The following HERC5 variants were observed in gnomAD, a reference collection of about 807,000 sequenced individuals.
The protein encoded by HERC5 is HECT and RLD domain containing E3 ubiquitin protein ligase 5.
In HERC5, 99 loss-of-function variants were observed where a neutral mutation model predicts 119.6. The ratio of observed to expected loss-of-function variants is 0.83; its 90% CI spans 0.70 to 0.98. HERC5 has a LOEUF of 0.98. Ranked by LOEUF, HERC5 falls within the 50% of genes least tolerant of loss-of-function variation. The pLI is 0.00. For missense variants in HERC5, 1,267 were observed against 1,241.3 expected (o/e 1.02, Z -0.31); for synonymous variants, 478 against 445.9 (o/e 1.07, Z -0.91).
chr4:88,460,178 T>C lies in HERC5; in HGVS notation c.466+7T>C. Reference sequence around the variant, plus strand: ...TCTCTTGCACTCTCAAAAGGTAATTTTTCTGTAATATTAATAGTTTTGTAG... The same window carrying C: ...TCTCTTGCACTCTCAAAAGGTAATTCTTCTGTAATATTAATAGTTTTGTAG... On this transcript the variant is annotated splice_region_variant and intron_variant, in intron 3 of 22. Coordinates refer to ENST00000264350, the MANE Select transcript of HERC5 (RefSeq NM_016323.4). 9 of 1,442,746 alleles carry C rather than the reference T, an allele frequency of 6.2e-6. No individual in the cohort carries two copies. Among genetic ancestry groups the C allele is most frequent in the Non-Finnish European group, 8.7e-6 (9 of 1,029,620 alleles). The allele number at this position is 1,442,746 out of a possible 1,614,324, so 89.4% of individuals were successfully genotyped here.
intron 12 of HERC5, among the ~76,000 whole-genome samples, chr4:88,477,008 A>G (rs542351127): frequency 1.0e-3 from 152 of 150,326 alleles, no homozygotes; most frequent in African/African-American, 3.4e-3. Flanking sequence ...ATTATCCAAT[A>G]TCTAGGTCAT....
chr4:88,497,259 T>C (rs895195842), intron 18 of HERC5, among the ~76,000 whole-genome samples: 3 of 152,190 alleles, frequency 2.0e-5, no homozygotes, highest in African/African-American at 7.2e-5. Flanking sequence ...AAATCATGTA[T>C]TGCCCTATAG....
rs758557919 is a variant in HERC5 at position 88,504,244 on chromosome 4, TTCTAAG to T, written c.2597_2602del (p.Ser866_Lys867del). ...TGTTTTATTAAAGGAGAGACTATGT[TTCTAAG>T]TATATCAATTACATTTTCAACGACT... On this transcript the variant is annotated inframe_deletion, in exon 21 of 23. Coordinates refer to ENST00000264350, the MANE Select transcript of HERC5 (RefSeq NM_016323.4). The T allele has an allele frequency of 6.3e-7, 1 of 1,597,076 alleles. No homozygotes were observed. The highest frequency in any genetic ancestry group is 8.6e-7 in the Non-Finnish European group (1 of 1,167,120).
chr4:88,475,471 G>A (rs1167813295), intron 11 of HERC5, among the ~76,000 whole-genome samples: 2 of 151,404 alleles, frequency 1.3e-5, no homozygotes, highest in South Asian at 2.1e-4. Context: ...GGCACGCACC[G>A]TCACGCCCAG....
At chr4:88,487,503 T>C (rs1741507310) in intron 15 of HERC5, among the ~76,000 whole-genome samples, 1 of 152,188 alleles carries the variant, frequency 6.6e-6, no homozygotes, top group African/African-American at 2.4e-5. Flanking sequence ...TGGGCTTGAT[T>C]AGGTGTAACA....
chr4:88,460,934 G>A (rs1740417742), intron 3 of HERC5, among the ~76,000 whole-genome samples: 1 of 152,136 alleles, frequency 6.6e-6, no homozygotes, highest in Admixed American at 6.6e-5. Context: ...AGGCTGCAGT[G>A]AGCCATGATC....
chr4:88,462,725 G>T (rs1237278344), intron 4 of HERC5, among the ~76,000 whole-genome samples: 1 of 152,148 alleles, frequency 6.6e-6, no homozygotes, highest in Non-Finnish European at 1.5e-5. Context: ...GACCTTTAAA[G>T]CCTTTGCACT....
chr4:88,482,136 C>G (rs989418864), intron 13 of HERC5, among the ~76,000 whole-genome samples: 1 of 151,734 alleles, frequency 6.6e-6, no homozygotes, highest in Non-Finnish European at 1.5e-5. Flanking sequence ...ATAGTGAAAC[C>G]TCGTCTCTAC....
Position 88,463,836 on chromosome 4 carries a change from T to C in HERC5, c.781-19T>C, listed in dbSNP as rs1668019899. ...TATTTTATTTTTCTAGCATCTGATA[T>C]GACATTCCCTTTCCTTAGGATGGGC... On this transcript the variant is annotated intron_variant, in intron 5 of 22. Transcript: ENST00000264350. 1 of 1,611,962 alleles carries C rather than the reference T, an allele frequency of 6.2e-7. No individual in the cohort carries two copies. Among genetic ancestry groups the C allele is most frequent in the Admixed American group, 1.7e-5 (1 of 59,460 alleles).
intron 18 of HERC5, among the ~76,000 whole-genome samples, chr4:88,498,207 A>T (rs565639553): frequency 6.6e-6 from 1 of 152,178 alleles, no homozygotes; most frequent in Admixed American, 6.5e-5. Flanking sequence ...CACTAAGGCA[A>T]TGCCTAGTGG....
At chr4:88,494,432 AT>A in intron 18 of HERC5, 101 bp downstream of exon 18, 2 of 978,080 alleles carry the variant, frequency 2.0e-6, no homozygotes, top group Non-Finnish European at 3.0e-6. Context: ...CAACAGCAGC[AT>A]TTTAGGTACT....
In HERC5 at chr4:88,457,992, G is replaced by A. The variant is rs73841943; in HGVS notation, c.265+458G>A. 2,005 of 989,156 alleles carry A rather than the reference G, an allele frequency of 2.0e-3. 31 individuals are homozygous for A. In the African/African-American group the frequency reaches 0.031, roughly 15 times the overall value. 61.3% of individuals were successfully genotyped at this position (989,156 alleles called of 1,614,324 possible). A position where few individuals can be genotyped will look rare whatever the true frequency, so the allele number is the denominator to read the frequency against. On this transcript the variant is annotated intron_variant, in intron 1 of 22. Transcript: ENST00000264350. ...TCTCCCACATTCTCATCGAAGTGGG[G>A]GAAATAGTTGCCCGCGTTCTTTAAA...
At chr4:88,457,678 C>T in intron 1 of HERC5, 144 bp downstream of exon 1, 1 of 954,280 alleles carries the variant, frequency 1.0e-6, no homozygotes, top group Non-Finnish European at 1.4e-6. Context: ...ATAGTTTCGC[C>T]GACGGCGCAC....
intron 11 of HERC5, chr4:88,472,910 C>G (rs1478680545): frequency 6.6e-6 from 1 of 152,422 alleles, no homozygotes. Context: ...TCACCAGGGA[C>G]TGCCTGGATT....
At chr4:88,470,100 G>T (rs981054343) in intron 9 of HERC5, among the ~76,000 whole-genome samples, 1 of 152,146 alleles carries the variant, frequency 6.6e-6, no homozygotes, top group East Asian at 1.9e-4. Context: ...ATATTTTTAG[G>T]TATGGCTTTC....
At chr4:88,479,657 A>T in intron 13 of HERC5, 150 bp downstream of exon 13, 2 of 462,060 alleles carry the variant, frequency 4.3e-6, no homozygotes, top group Non-Finnish European at 3.7e-6. Context: ...TACATCATAC[A>T]TATAAAGGAA....
rs1053699755 is a variant in HERC5, at chr4:88,466,991, CT to C, written c.912-67del. On this transcript the variant is annotated intron_variant, in intron 6 of 22. Transcript: ENST00000264350. The stretch of plus-strand genomic sequence containing the variant: ...TGGGTAACATAGTTTTGGCAATTTA[CT>C]GTATTGCTAAACACTCTCATCATTG... The C allele has an allele frequency of 2.0e-6, 3 of 1,495,970 alleles. No individual in the cohort carries two copies. The Admixed American group carries it at 5.2e-5, about 26-fold the overall frequency. The allele number at this position is 1,495,970 out of a possible 1,614,324, so 92.7% of individuals were successfully genotyped here. A position where few individuals can be genotyped will look rare whatever the true frequency, so the allele number is the denominator to read the frequency against.
At chr4:88,478,118 C>T (rs1741148553) in intron 12 of HERC5, among the ~76,000 whole-genome samples, 1 of 152,128 alleles carries the variant, frequency 6.6e-6, no homozygotes, top group African/African-American at 2.4e-5. Flanking sequence ...TTAATAGAGA[C>T]AGGACCTCAC....
rs116612766 is a variant in HERC5 at position 88,489,742 on chromosome 4, C to T, written c.2133+406C>T. Among the ~76,000 whole-genome samples, 575 of 152,274 alleles carry T rather than the reference C, an allele frequency of 3.8e-3. 2 individuals carry two copies. The highest frequency in any genetic ancestry group is 0.013 in the African/African-American group (557 of 41,554). ...ACCTAAATTGGGACAGGCATGGTGA[C>T]TCACACCTGTAATCCCGGCGCTTTG... On this transcript the variant is annotated intron_variant, in intron 16 of 22. Transcript: ENST00000264350.
Sources: allele counts gnomAD v4.1 joint callset (sites outside exome capture counted in the v4.1 genomes callset), GRCh38; gene constraint gnomAD v4.1.1; transcripts MANE v1.5; gene names NCBI Gene and HGNC (gene_info 2026-07-23, HGNC 2026-07-21).